Variants in LRP1B observed in about 807,000 individuals in gnomAD.
LRP1B encodes LDL receptor related protein 1B, also known as low-density lipoprotein receptor-related protein 1B.
LRP1B carries 217 observed loss-of-function variants against 556.6 expected under a neutral mutation model. The ratio of observed to expected loss-of-function variants is 0.39; its 90% CI spans 0.35 to 0.44. The LOEUF (loss-of-function observed/expected upper bound fraction) is 0.44, where lower values mean the gene tolerates loss of function less well. Among genes scored for constraint, LRP1B ranks in the 20% least tolerant of loss-of-function variants. The probability of loss-of-function intolerance (pLI) is 1.00; values close to 1 mark genes in which losing one functional copy is unlikely to be tolerated. For missense variants in LRP1B, 5,053 were observed against 5,620.8 expected (o/e 0.90, Z 3.23); for synonymous variants, 2,047 against 1,865.8 (o/e 1.10, Z -2.50).
rs147579156 is a variant in LRP1B at position 142,021,304 on chromosome 2, C to G, written c.82+109344G>C. On this transcript the variant is annotated intron_variant, in intron 1 of 90. Transcript: ENST00000389484. ...TTTTGAGATTTTAAAAAATCTTCCT[C>G]TGTGTGTGTATGTGCGTGTGTGTGT... is the stretch of plus-strand genomic sequence containing the variant. Among the ~76,000 whole-genome samples, 877 of 151,432 alleles carry G rather than the reference C, an allele frequency of 5.8e-3. 6 individuals carry two copies. Among genetic ancestry groups the G allele is most frequent in the African/African-American group, 0.019 (783 of 41,350 alleles).
At chr2:140,833,472 A>C (rs909045129) in intron 31 of LRP1B, among the ~76,000 whole-genome samples, 1 of 152,148 alleles carries the variant, frequency 6.6e-6, no homozygotes, top group South Asian at 2.1e-4. Flanking sequence ...GTGTTTCTTA[A>C]ATGTATGTAT....
intron 66 of LRP1B, among the ~76,000 whole-genome samples, chr2:140,399,153 G>A (rs933171451): frequency 6.3e-5 from 8 of 127,582 alleles, no homozygotes; most frequent in African/African-American, 2.5e-4. Context: ...CTTAAAAAGA[G>A]AAGACCAAGA....
intron 1 of LRP1B, among the ~76,000 whole-genome samples, chr2:141,837,166 G>A (rs1270517488): frequency 6.6e-6 from 1 of 151,914 alleles, no homozygotes; most frequent in Non-Finnish European, 1.5e-5. Flanking sequence ...AACATCATAA[G>A]GATATAGACT....
chr2:140,993,721 T>C (rs1222114958), intron 16 of LRP1B, among the ~76,000 whole-genome samples: 2 of 152,116 alleles, frequency 1.3e-5, no homozygotes, highest in African/African-American at 2.4e-5. Flanking sequence ...GACAGTGGCA[T>C]GGTGGCGCTG....
chr2:140,632,300 C>T (rs1261668453), intron 41 of LRP1B, among the ~76,000 whole-genome samples: 1 of 151,678 alleles, frequency 6.6e-6, no homozygotes, highest in Non-Finnish European at 1.5e-5. Context: ...ATAATAGAAA[C>T]AATACAGTGA....
At chr2:142,071,955 A>G (rs867735541) in intron 1 of LRP1B, among the ~76,000 whole-genome samples, 32 of 151,948 alleles carry the variant, frequency 2.1e-4, no homozygotes, top group Middle Eastern at 3.2e-3. Context: ...TTCCAAGTTC[A>G]AAGAAAAGCA....
At chr2:141,714,425 T>G (rs1008683696) in intron 2 of LRP1B, among the ~76,000 whole-genome samples, 1 of 150,884 alleles carries the variant, frequency 6.6e-6, no homozygotes, top group African/African-American at 2.4e-5. Context: ...AAGTTAACCT[T>G]GAAGCAACTT....
chr2:140,596,059 AG>A (rs1682428344), intron 43 of LRP1B, among the ~76,000 whole-genome samples: 1 of 152,228 alleles, frequency 6.6e-6, no homozygotes, highest in African/African-American at 2.4e-5. Context: ...TAAACATGAA[AG>A]TGAAAAGAAT....
chr2:141,775,734 T>C (rs1437169485), intron 2 of LRP1B, among the ~76,000 whole-genome samples: 1 of 152,176 alleles, frequency 6.6e-6, no homozygotes, highest in Non-Finnish European at 1.5e-5. Context: ...AATTACATAA[T>C]TGTCCTTTTA....
intron 43 of LRP1B, among the ~76,000 whole-genome samples, chr2:140,547,483 T>C (rs1297649550): frequency 6.6e-6 from 1 of 152,114 alleles, no homozygotes; most frequent in Non-Finnish European, 1.5e-5. Flanking sequence ...TCTATTTCTG[T>C]GGGGTCAGTG....
chr2:141,710,526 C>T (rs76336644), intron 2 of LRP1B, among the ~76,000 whole-genome samples: 5,957 of 152,144 alleles, frequency 0.039, 155 homozygotes, highest in East Asian at 0.093. Flanking sequence ...TAGGTTCTTC[C>T]ACTCAAGTGC....
intron 32 of LRP1B, among the ~76,000 whole-genome samples, chr2:140,812,392 A>T (rs1338599749): frequency 6.6e-6 from 1 of 152,128 alleles, no homozygotes; most frequent in African/African-American, 2.4e-5. Context: ...TTCCTTCACA[A>T]GAGAGAGGAA....
intron 47 of LRP1B, among the ~76,000 whole-genome samples, chr2:140,529,258 T>G (rs1690574003): frequency 6.6e-6 from 1 of 152,038 alleles, no homozygotes; most frequent in African/African-American, 2.4e-5. Context: ...ATACTTTAAT[T>G]TTACTATTTC....
chr2:141,914,299 G>A (rs555791317), intron 1 of LRP1B, among the ~76,000 whole-genome samples: 5 of 152,180 alleles, frequency 3.3e-5, no homozygotes, highest in Non-Finnish European at 7.3e-5. Flanking sequence ...AAAAGCTGTG[G>A]CATATAGTCA....
At chr2:141,369,845 C>T (rs1689164897) in intron 3 of LRP1B, among the ~76,000 whole-genome samples, 1 of 152,170 alleles carries the variant, frequency 6.6e-6, no homozygotes, top group Admixed American at 6.5e-5. Flanking sequence ...TACTCTGCTT[C>T]CATGTATACA....
At chr2:140,715,665 T>A (rs1687184488) in intron 37 of LRP1B, among the ~76,000 whole-genome samples, 2 of 152,070 alleles carry the variant, frequency 1.3e-5, no homozygotes, top group African/African-American at 4.8e-5. Context: ...ATTTTACTAA[T>A]TCAATAAATA....
intron 62 of LRP1B, among the ~76,000 whole-genome samples, chr2:140,451,143 T>C (rs1198485254): frequency 2.0e-5 from 3 of 152,286 alleles, no homozygotes; most frequent in Admixed American, 6.5e-5. Context: ...GGTTTCACCA[T>C]GTTGCCAAGG....
intron 66 of LRP1B, among the ~76,000 whole-genome samples, chr2:140,426,364 TC>T (rs1458147369): frequency 2.0e-5 from 3 of 152,218 alleles, no homozygotes; most frequent in African/African-American, 7.2e-5. Flanking sequence ...TTATCAATTT[TC>T]TTTTTTCTGA....
At chr2:141,537,935 A>G (rs1426773127) in intron 2 of LRP1B, among the ~76,000 whole-genome samples, 1 of 152,156 alleles carries the variant, frequency 6.6e-6, no homozygotes, top group Non-Finnish European at 1.5e-5. Flanking sequence ...TCTCATCCAC[A>G]TGAGGGATCC....
Sources: allele counts gnomAD v4.1 joint callset (sites outside exome capture counted in the v4.1 genomes callset), GRCh38; gene constraint gnomAD v4.1.1; transcripts MANE v1.5; gene names NCBI Gene and HGNC (gene_info 2026-07-23, HGNC 2026-07-21).